Variants in RGN observed in about 807,000 individuals in gnomAD.
The protein encoded by RGN is regucalcin.
RGN carries 19 observed loss-of-function variants against 20.6 expected under a neutral mutation model. The ratio of observed to expected loss-of-function variants is 0.92; its 90% CI spans 0.64 to 1.35. RGN has a LOEUF of 1.35. RGN is among the 40% of genes most tolerant of loss of function. The pLI, the probability that RGN is intolerant of heterozygous loss-of-function variation, is 0.00. For missense variants in RGN, 302 were observed against 232.7 expected (o/e 1.30, Z -1.94); for synonymous variants, 85 against 87.2 (o/e 0.97, Z 0.14).
rs960819417 is a variant in RGN at position 47,093,291 on chromosome X, T to G, written c.*344T>G. 6 of 184,389 alleles carry G rather than the reference T, an allele frequency of 3.3e-5. No individual in the cohort carries two copies. The South Asian group carries it at 9.3e-4, about 29-fold the overall frequency. 15.2% of individuals were successfully genotyped at this position (184,389 alleles called of 1,213,427 possible). ...ACTATATTAAAGCTTCAAGGAACAA[T>G]AAATAGTAACCTGGTAATGACCTAT... On this transcript the variant is annotated 3_prime_UTR_variant, in exon 8 of 8. Transcript: ENST00000397180.
chrX:47,092,909 G>T lies in RGN; in HGVS notation c.862G>T (p.Gly288Trp). ...AGGIFKITGL[G>W]VKGIAPYSYA... is the part of the protein sequence containing the mutation. ...TCTTTTTCAACAGATAACTGGTCTGGGGGTCAAAGGAATTGCTCCCTACTC... is the reference window on the plus strand; with the variant it reads ...TCTTTTTCAACAGATAACTGGTCTGTGGGTCAAAGGAATTGCTCCCTACTC... Residue 288 changes from glycine to tryptophan, a missense_variant, in exon 8 of 8, where the codon GGG becomes TGG. Gly to Trp is a radical substitution (Grantham distance 184). Transcript: ENST00000397180. The T allele has an allele frequency of 8.3e-7, 1 of 1,206,709 alleles. No homozygotes were observed. Among genetic ancestry groups the T allele is most frequent in the Non-Finnish European group, 1.1e-6 (1 of 891,436 alleles).
chrX:47,092,015 G>A (rs1931036056), intron 6 of RGN, 46 bp from the exon 7 acceptor site: 2 of 1,135,187 alleles, frequency 1.8e-6, no homozygotes, highest in Non-Finnish European at 2.4e-6. Context: ...TACACAGGTT[G>A]GAAATTGCTA....
rs1490862442 is a variant in RGN at position 47,093,017 on chromosome X, T to A, written c.*70T>A. On this transcript the variant is annotated 3_prime_UTR_variant, in exon 8 of 8. Transcript: ENST00000397180. ...GAGAATTCTGGGCCTGAAATTTCAA[T>A]CTAGTTAGAAAGAAAAATGAGGCAA... 1.2e-5 allele frequency: 10 copies of A among 849,433 alleles called. No individual in the cohort carries two copies. In the Admixed American group the frequency reaches 2.1e-4, roughly 17 times the overall value. 70.0% of individuals were successfully genotyped at this position (849,433 alleles called of 1,213,427 possible). A position where few individuals can be genotyped will look rare whatever the true frequency, so the allele number is the denominator to read the frequency against.
intron 5 of RGN, among the ~76,000 whole-genome samples, 195 bp from the exon 6 acceptor site, chrX:47,091,483 T>C (rs1338537661): frequency 8.9e-6 from 1 of 111,910 alleles, no homozygotes; most frequent in Non-Finnish European, 1.9e-5. Flanking sequence ...TAAACAGATA[T>C]GCCTGTACCC....
At position 47,084,525 on chromosome X, in the gene RGN, G is replaced by C. The variant is rs1556383205; in HGVS notation, c.271G>C (p.Ala91Pro). The C allele has an allele frequency of 8.3e-7, 1 of 1,202,910 alleles. No homozygotes were observed. The highest frequency in any genetic ancestry group is 1.7e-5 in the African/African-American group (1 of 57,286). The change falls in exon 4 of 8, where the codon GCC (alanine) becomes CCC (proline). Residue 91 changes from alanine (A) to proline (P), a missense_variant. Ala to Pro is a conservative substitution (Grantham distance 27, BLOSUM62 -1). Transcript: ENST00000397180. ...GAAAGAACAATCAGCAGTTGTCTTG[G>C]CCACGGTGGATAACGACAAGAAAAA... ...NWKEQSAVVL[A>P]TVDNDKKNNR...
chrX:47,084,319 C>G (rs1470736080), intron 3 of RGN, 99 bp from the exon 4 acceptor site: 3 of 722,539 alleles, frequency 4.2e-6, no homozygotes, highest in Non-Finnish European at 5.9e-6. Context: ...GTCACGAGAG[C>G]TGGGCTCCCG....
intron 3 of RGN, among the ~76,000 whole-genome samples, chrX:47,081,960 C>G (rs1336317389): frequency 8.9e-6 from 1 of 111,911 alleles, no homozygotes; most frequent in Non-Finnish European, 1.9e-5. Context: ...CAGGCCAAGA[C>G]CTTAATTTTC....
At chrX:47,084,681 G>A (rs1291597353) in intron 4 of RGN, 81 bp downstream of exon 4, 1 of 906,966 alleles carries the variant, frequency 1.1e-6, no homozygotes, top group African/African-American at 2.0e-5. Flanking sequence ...TACTGACCAG[G>A]GTGGTGGCTC....
chrX:47,082,501 C>T (rs1304941233), intron 3 of RGN, among the ~76,000 whole-genome samples: 5 of 109,787 alleles, frequency 4.6e-5, no homozygotes, highest in African/African-American at 9.9e-5. Context: ...TTTGTAGAGA[C>T]AGGGTCTCCC....
chrX:47,086,711 TG>T (rs2147017102), intron 4 of RGN, among the ~76,000 whole-genome samples: 1 of 95,494 alleles, frequency 1.0e-5, no homozygotes, highest in South Asian at 5.2e-4. Context: ...AGGACATGGC[TG>T]CCCCTAGAAC....
intron 4 of RGN, among the ~76,000 whole-genome samples, chrX:47,086,958 G>A (rs782053159): frequency 8.3e-4 from 92 of 110,679 alleles, no homozygotes; most frequent in Admixed American, 2.4e-3. Flanking sequence ...GGCTATCTTG[G>A]AGGCTGGCTA....
At chrX:47,089,109 C>A (rs1556385496) in intron 4 of RGN, among the ~76,000 whole-genome samples, 1 of 41,073 alleles carries the variant, frequency 2.4e-5, no homozygotes, top group African/African-American at 8.4e-5. Flanking sequence ...AGGAGAATCA[C>A]CTGAGCCTGG....
intron 4 of RGN, chrX:47,087,711 A>T (rs1195599692): frequency 9.3e-6 from 1 of 107,409 alleles, no homozygotes; most frequent in Non-Finnish European, 1.9e-5. Context: ...CCATCAGGAG[A>T]CCTCTTAAAA....
intron 1 of RGN, among the ~76,000 whole-genome samples, chrX:47,079,622 G>T (rs1163946109): frequency 9.2e-6 from 1 of 108,227 alleles, no homozygotes; most frequent in Non-Finnish European, 1.9e-5. Flanking sequence ...TAGTAGAGAT[G>T]GGGTTTCACC....
chrX:47,082,786 C>T (rs1228174908), intron 3 of RGN, among the ~76,000 whole-genome samples: 4 of 108,825 alleles, frequency 3.7e-5, no homozygotes, highest in African/African-American at 1.3e-4. Flanking sequence ...AAAGCCCGCC[C>T]CCACCACCAC....
At position 47,092,936 on chromosome X, in the gene RGN, T is replaced by C. The variant is rs781942217; in HGVS notation, c.889T>C (p.Tyr297His). 2.5e-6 allele frequency: 3 copies of C among 1,204,013 alleles called. No homozygotes were observed. Among genetic ancestry groups the C allele is most frequent in the Non-Finnish European group, 2.2e-6 (2 of 888,967 alleles). The stretch of plus-strand genomic sequence containing the variant: ...GGTCAAAGGAATTGCTCCCTACTCC[T>C]ATGCGGGATGAGGACAGGTCTTCTT... ...LGVKGIAPYS[Y>H]AG is the part of the protein sequence containing the mutation. The change falls in exon 8 of 8, where the codon TAT (tyrosine) becomes CAT (histidine). Residue 297 changes from tyrosine to histidine, a missense_variant. By Grantham distance (83) the Tyr-to-His change is moderately conservative. Transcript: ENST00000397180.
chrX:47,079,374 TTTTGGTTTGG>T (rs1569539874), intron 1 of RGN, among the ~76,000 whole-genome samples: 1 of 101,417 alleles, frequency 9.9e-6, no homozygotes, highest in Admixed American at 1.1e-4. Context: ...TTTTGTTTTG[TTTTGGTTTGG>T]TTTGGTTTGG....
chrX:47,091,536 C>A (rs782308095), intron 5 of RGN, 142 bp from the exon 6 acceptor site: 11 of 601,359 alleles, frequency 1.8e-5, no homozygotes, highest in Non-Finnish European at 2.7e-5. Context: ...TGGTAAAAAT[C>A]CTTTGTTCAC....
At position 47,081,418 on chromosome X, in the gene RGN, T is replaced by C; in HGVS notation, c.163+111T>C. The C allele has an allele frequency of 4.6e-6, 3 of 648,577 alleles. No homozygotes were observed. The East Asian group carries it at 1.0e-4, about 22-fold the overall frequency. The allele number at this position is 648,577 out of a possible 1,213,427, so 53.5% of individuals were successfully genotyped here. On this transcript the variant is annotated intron_variant, in intron 3 of 7. Coordinates refer to ENST00000397180, the MANE Select transcript of RGN (RefSeq NM_152869.4). ...CACTGACTACACTTGTCACGCTGTC[T>C]GTCCCCACTCCATATCCTCCCACTT...
Sources: allele counts gnomAD v4.1 joint callset (sites outside exome capture counted in the v4.1 genomes callset), GRCh38; gene constraint gnomAD v4.1.1; transcripts MANE v1.5; gene names NCBI Gene and HGNC (gene_info 2026-07-23, HGNC 2026-07-21).